ETFA: variants seen among roughly 807,000 people sequenced by gnomAD.
The protein encoded by ETFA is electron transfer flavoprotein subunit alpha, mitochondrial.
In ETFA, 22 loss-of-function variants were observed where a neutral mutation model predicts 46.2. The observed-to-expected ratio is 0.48, with a 90% CI of 0.34 to 0.68. The LOEUF (loss-of-function observed/expected upper bound fraction) is 0.68. ETFA is among the 30% of genes least tolerant of loss of function. The pLI is 0.01. For missense variants in ETFA, 345 were observed against 401.1 expected (o/e 0.86, Z 1.19); for synonymous variants, 131 against 139.9 (o/e 0.94, Z 0.45).
At chr15:76,229,893 A>G (rs1396740053) in intron 10 of ETFA, among the ~76,000 whole-genome samples, 6 of 152,148 alleles carry the variant, frequency 3.9e-5, no homozygotes, top group African/African-American at 1.2e-4. Flanking sequence ...TTCAAACTAT[A>G]TATTATTATG....
At chr15:76,293,984 T>C (rs1013013505) in intron 2 of ETFA, among the ~76,000 whole-genome samples, 2 of 138,280 alleles carry the variant, frequency 1.4e-5, no homozygotes, top group Non-Finnish European at 3.2e-5. Context: ...TATCTTGTTT[T>C]TACTGGCAAA....
At position 76,225,881 on chromosome 15, in the gene ETFA, C is replaced by A. The variant is rs372591001; in HGVS notation, c.931G>T (p.Ala311Ser). The A allele has an allele frequency of 2.5e-5, 40 of 1,611,650 alleles. No individual in the cohort carries two copies. The African/African-American group carries it at 4.7e-4, about 19-fold the overall frequency. ...AAATCTGCAACTATTCCATAATCTG[C>A]CACTTGGAAAATTGGAGCTTCTGGG... ...KDPEAPIFQVADYGIVADLFK... is the reference protein window; with the variant it reads ...KDPEAPIFQVSDYGIVADLFK... The change falls in exon 11 of 12, where the codon GCA becomes TCA. Residue 311 changes from alanine to serine, a missense_variant. By Grantham distance (99) the Ala-to-Ser change is moderately conservative (BLOSUM62 1). Coordinates refer to ENST00000557943, the MANE Select transcript of ETFA (RefSeq NM_000126.4).
At chr15:76,267,586 T>C (rs745766135) in intron 9 of ETFA, among the ~76,000 whole-genome samples, 4 of 152,126 alleles carry the variant, frequency 2.6e-5, no homozygotes, top group Non-Finnish European at 5.9e-5. Flanking sequence ...AAAAGCCTAA[T>C]TTGCAGGACC....
intron 10 of ETFA, chr15:76,227,708 C>A: frequency 2.5e-6 from 1 of 407,602 alleles, no homozygotes; most frequent in South Asian, 1.8e-5. Flanking sequence ...TAAGTTTCTA[C>A]CTACCTGGCA....
intron 1 of ETFA, 120 bp from the exon 2 acceptor site, chr15:76,295,857 T>C (rs2039813938): frequency 3.3e-6 from 2 of 608,072 alleles, no homozygotes; most frequent in African/African-American, 3.8e-5. Context: ...CACAATATTA[T>C]TCTATAAATT....
chr15:76,260,255 A>T (rs947461760), intron 9 of ETFA: 19 of 1,195,272 alleles, frequency 1.6e-5, no homozygotes, highest in Non-Finnish European at 1.9e-5. Flanking sequence ...GCCTTTCTTG[A>T]TTGAAGGACC....
chr15:76,254,994 C>T (rs893079383), intron 9 of ETFA, among the ~76,000 whole-genome samples: 3 of 152,050 alleles, frequency 2.0e-5, no homozygotes, highest in Non-Finnish European at 2.9e-5. Context: ...TTTTTTTAAA[C>T]TTTTATTCAT....
At chr15:76,295,784 G>T in intron 1 of ETFA, 47 bp from the exon 2 acceptor site, 1 of 1,453,770 alleles carries the variant, frequency 6.9e-7, no homozygotes, top group Non-Finnish European at 9.3e-7. Flanking sequence ...TGTTGTCACA[G>T]GGTTTTTTTT....
chr15:76,278,000 CTAAGA>C (rs1396604314), intron 8 of ETFA, among the ~76,000 whole-genome samples: 3 of 152,152 alleles, frequency 2.0e-5, no homozygotes, highest in Non-Finnish European at 4.4e-5. Context: ...TCCTATGGAT[CTAAGA>C]TGAGTTTTGA....
intron 9 of ETFA, chr15:76,259,362 T>C (rs1299179226): frequency 1.3e-6 from 2 of 1,587,780 alleles, no homozygotes; most frequent in Middle Eastern, 1.9e-4. Context: ...CCAGCACTGG[T>C]ACATGAGATC....
intron 10 of ETFA, chr15:76,230,116 CCAGCCTGGGCGACTT>C (rs1160856024): frequency 1.3e-5 from 2 of 150,952 alleles, no homozygotes; most frequent in African/African-American, 4.9e-5. Flanking sequence ...CCACTGCACT[CCAGCCTGGGCGACTT>C]CAGCCTGGGT....
At chr15:76,269,293 TA>T (rs1353580095) in intron 9 of ETFA, among the ~76,000 whole-genome samples, 1 of 152,180 alleles carries the variant, frequency 6.6e-6, no homozygotes, top group East Asian at 1.9e-4. Flanking sequence ...TCTGACATAA[TA>T]TAAAAGAGTT....
At chr15:76,272,313 T>C (rs1194113036) in intron 9 of ETFA, among the ~76,000 whole-genome samples, 2 of 151,488 alleles carry the variant, frequency 1.3e-5, no homozygotes, top group Non-Finnish European at 2.9e-5. Flanking sequence ...CTCCGCCTCC[T>C]GGGTTCAAAC....
At chr15:76,256,150 C>A (rs906718376) in intron 9 of ETFA, among the ~76,000 whole-genome samples, 1 of 151,190 alleles carries the variant, frequency 6.6e-6, no homozygotes, top group Non-Finnish European at 1.5e-5. Flanking sequence ...CCCAGCTACT[C>A]AGGAGGCTGA....
At chr15:76,271,767 A>G (rs1162479611) in intron 9 of ETFA, among the ~76,000 whole-genome samples, 2 of 152,220 alleles carry the variant, frequency 1.3e-5, no homozygotes, top group African/African-American at 2.4e-5. Flanking sequence ...CCATAAAAAT[A>G]TAGGTTTTTT....
In ETFA at chr15:76,303,577, C is replaced by T. The variant is rs1004072154; in HGVS notation, c.39+7773G>A. Among the ~76,000 whole-genome samples the T allele has an allele frequency of 1.2e-4, 18 of 152,022 alleles. No homozygotes were observed. The East Asian group carries it at 2.7e-3, about 23-fold the overall frequency. On this transcript the variant is annotated intron_variant, in intron 1 of 11. Transcript: ENST00000557943. ...ATCTGCAAACTATGCATCTGACAAA[C>T]GTCTAATAACCAGAATCTATAAGGA...
Position 76,216,532 on chromosome 15 carries a change from GTTTTCT to G in ETFA, c.*21_*26del, listed in dbSNP as rs1567192707. On this transcript the variant is annotated 3_prime_UTR_variant, in exon 12 of 12. Transcript: ENST00000557943. The stretch of plus-strand genomic sequence containing the variant: ...ATTTCAGTGGAATACTTTAACAAAA[GTTTTCT>G]TTTTAAGGCATGATCCTGATTCATT... 1.4e-6 allele frequency: 2 copies of G among 1,383,876 alleles called. No individual in the cohort carries two copies. Among genetic ancestry groups the G allele is most frequent in the Middle Eastern group, 1.8e-4 (1 of 5,522 alleles). 85.7% of individuals were successfully genotyped at this position (1,383,876 alleles called of 1,614,324 possible). A position where few individuals can be genotyped will look rare whatever the true frequency, so the allele number is the denominator to read the frequency against.
At chr15:76,254,467 CATA>C (rs2039330316) in intron 9 of ETFA, among the ~76,000 whole-genome samples, 1 of 152,156 alleles carries the variant, frequency 6.6e-6, no homozygotes, top group African/African-American at 2.4e-5. Flanking sequence ...TAACAGAATC[CATA>C]ATCTCTACAA....
chr15:76,278,511 T>C lies in ETFA; in HGVS notation c.734-4017A>G, dbSNP rs191755826. Among the ~76,000 whole-genome samples the C allele has an allele frequency of 6.2e-4, 94 of 152,318 alleles. 1 individual carries two copies. Among genetic ancestry groups the C allele is most frequent in the East Asian group, 9.6e-4 (5 of 5,190 alleles). ...TTAAGCAACCTCTCCAGTTTTTCCA[T>C]AGCTCTTCTCCTGTAGTTCAGCATT... On this transcript the variant is annotated intron_variant, in intron 8 of 11. Coordinates refer to ENST00000557943, the MANE Select transcript of ETFA (RefSeq NM_000126.4).
Sources: allele counts gnomAD v4.1 joint callset (sites outside exome capture counted in the v4.1 genomes callset), GRCh38; gene constraint gnomAD v4.1.1; transcripts MANE v1.5; gene names NCBI Gene and HGNC (gene_info 2026-07-23, HGNC 2026-07-21).